NEMP2: variants seen among roughly 807,000 people sequenced by gnomAD.
NEMP2 encodes nuclear envelope integral membrane protein 2, also known as UPF0571 transmembrane protein.
Under a neutral mutation model 54.2 loss-of-function variants are expected in NEMP2, and 53 were observed. The observed-to-expected ratio is 0.98, with a 90% CI of 0.78 to 1.23. The LOEUF is 1.23. Ranked by LOEUF, NEMP2 falls within the 50% of genes most tolerant of loss-of-function variation. The pLI, the probability that NEMP2 is intolerant of heterozygous loss-of-function variation, is 0.00. For missense variants in NEMP2, 455 were observed against 511.3 expected (o/e 0.89, Z 1.06); for synonymous variants, 197 against 190.3 (o/e 1.04, Z -0.29).
chr2:190,604,310 C>T, the NEMP2 span, among the ~76,000 whole-genome samples: 1 of 152,190 alleles, frequency 6.6e-6, no homozygotes, highest in Non-Finnish European at 1.5e-5. This position sits in a 1 kb window ranked among gnomAD's most constrained non-coding sequence, Gnocchi z 4.5. Context: ...TTTCCTACCC[C>T]AACACCTACT....
At chr2:190,502,568 A>G (rs1022107737), downstream of NEMP2, among the ~76,000 whole-genome samples, 3 of 152,236 alleles carry the variant, frequency 2.0e-5, no homozygotes, top group African/African-American at 7.2e-5. The surrounding 1 kb of genome is among the most constrained non-coding windows in gnomAD (Gnocchi z 4.4). Flanking sequence ...AACCTCATGA[A>G]AAGTGTTAAG....
chr2:190,495,414 C>T, the NEMP2 span, among the ~76,000 whole-genome samples: 1 of 152,084 alleles, frequency 6.6e-6, no homozygotes, highest in Non-Finnish European at 1.5e-5. The surrounding 1 kb of genome is among the most constrained non-coding windows in gnomAD (Gnocchi z 4.7). Flanking sequence ...GTGAAAATGA[C>T]CATACTGCTA....
the NEMP2 span, among the ~76,000 whole-genome samples, chr2:190,542,080 G>C: frequency 7.3e-4 from 111 of 152,176 alleles, no homozygotes; most frequent in African/African-American, 2.6e-3. The surrounding 1 kb of genome is among the most constrained non-coding windows in gnomAD (Gnocchi z 4.6). Flanking sequence ...AATCTGTTTG[G>C]TGTTCTCTGA....
At chr2:190,561,149 C>T in the NEMP2 span, among the ~76,000 whole-genome samples, 14 of 152,194 alleles carry the variant, frequency 9.2e-5, no homozygotes, top group South Asian at 1.0e-3. The surrounding 1 kb of genome is among the most constrained non-coding windows in gnomAD (Gnocchi z 5.4). Context: ...CCATCAGGAC[C>T]GCTCATTCTC....
chr2:190,601,328 T>C, the NEMP2 span, among the ~76,000 whole-genome samples: 1 of 152,188 alleles, frequency 6.6e-6, no homozygotes, highest in Non-Finnish European at 1.5e-5. The surrounding 1 kb of genome is among the most constrained non-coding windows in gnomAD (Gnocchi z 5.8). Flanking sequence ...TGCACCCTGA[T>C]CTCAGATTTC....
chr2:190,500,235 TCA>T, downstream of NEMP2: 1 of 1,613,612 alleles, frequency 6.2e-7, no homozygotes, highest in Non-Finnish European at 8.5e-7. The surrounding 1 kb of genome is among the most constrained non-coding windows in gnomAD (Gnocchi z 5.3). Context: ...CCTGCTCATC[TCA>T]CACCCTGCAT....
At chr2:190,534,987 C>T, upstream of NEMP2, 1 of 220,764 alleles carries the variant, frequency 4.5e-6, no homozygotes, top group Non-Finnish European at 8.9e-6. Context: ...CCCCTGGGGA[C>T]CGCCCGGCCG....
In NEMP2 at chr2:190,527,079, C is replaced by T. The variant is rs1247819042; in HGVS notation, c.98-1701G>A. Among the ~76,000 whole-genome samples the T allele has an allele frequency of 1.3e-5, 2 of 152,160 alleles. No homozygotes were observed. Among genetic ancestry groups the T allele is most frequent in the Non-Finnish European group, 2.9e-5 (2 of 68,016 alleles). Reference sequence around the variant, plus strand: ...GATTCAAGATAGAGTGTCACCTCCACATCTGTTCTTTAGGAAACAGGAACA... The same window carrying T: ...GATTCAAGATAGAGTGTCACCTCCATATCTGTTCTTTAGGAAACAGGAACA... On this transcript the variant is annotated intron_variant, in intron 1 of 8. Coordinates refer to ENST00000409150, the MANE Select transcript of NEMP2 (RefSeq NM_001142645.2). This position sits in a 1 kb window ranked among gnomAD's most constrained non-coding sequence, Gnocchi z 4.0.
chr2:190,554,260 G>GC, the NEMP2 span, among the ~76,000 whole-genome samples: 1 of 151,572 alleles, frequency 6.6e-6, no homozygotes. The surrounding 1 kb of genome is among the most constrained non-coding windows in gnomAD (Gnocchi z 5.7). Context: ...AGCCGCAGGA[G>GC]TTTTTTTTTC....
At chr2:190,620,201 C>G in the NEMP2 span, 3 of 152,150 alleles carry the variant, frequency 2.0e-5, no homozygotes. The surrounding 1 kb of genome is among the most constrained non-coding windows in gnomAD (Gnocchi z 4.9). Context: ...TGACTTCCTG[C>G]TGTCTATTTT....
the NEMP2 span, among the ~76,000 whole-genome samples, chr2:190,550,780 A>C: frequency 6.6e-6 from 1 of 152,178 alleles, no homozygotes; most frequent in Non-Finnish European, 1.5e-5. This position sits in a 1 kb window ranked among gnomAD's most constrained non-coding sequence, Gnocchi z 4.7. Context: ...TCATGTTGAT[A>C]TATCTTTTAA....
rs1468106062 is a variant in NEMP2, at chr2:190,509,970, G to A, written c.1130+391C>T. Among the ~76,000 whole-genome samples the A allele has an allele frequency of 2.0e-5, 3 of 152,248 alleles. No individual in the cohort carries two copies. Among genetic ancestry groups the A allele is most frequent in the Non-Finnish European group, 2.9e-5 (2 of 68,038 alleles). ...GCAGGAGAATTGCTTGAACCTGGCA[G>A]GCGGAGGTTGCAATGAGCTGAGATT... On this transcript the variant is annotated intron_variant, in intron 8 of 8. Coordinates refer to ENST00000409150, the MANE Select transcript of NEMP2 (RefSeq NM_001142645.2). The surrounding 1 kb of genome is among the most constrained non-coding windows in gnomAD (Gnocchi z 6.1).
chr2:190,431,804 A>G, the NEMP2 span, among the ~76,000 whole-genome samples: 1 of 152,152 alleles, frequency 6.6e-6, no homozygotes, highest in Non-Finnish European at 1.5e-5. The surrounding 1 kb of genome is among the most constrained non-coding windows in gnomAD (Gnocchi z 4.4). Flanking sequence ...TTTTTCTTTC[A>G]TATCATCTCA....
rs1574290120 is a variant in NEMP2, at chr2:190,510,955, A to G, written c.954-418T>C. On this transcript the variant is annotated intron_variant, in intron 7 of 8. Coordinates refer to ENST00000409150, the MANE Select transcript of NEMP2 (RefSeq NM_001142645.2). This position sits in a 1 kb window ranked among gnomAD's most constrained non-coding sequence, Gnocchi z 5.7. Reference sequence around the variant, plus strand: ...GTAATAATACTTCTTAACTTCCTCTATATCATATCTATACTTTTTTATTGC... The same window carrying G: ...GTAATAATACTTCTTAACTTCCTCTGTATCATATCTATACTTTTTTATTGC... 6.6e-6 allele frequency among the ~76,000 whole-genome samples: 1 copy of G among 152,034 alleles called. No homozygotes were observed. Among genetic ancestry groups the G allele is most frequent in the Non-Finnish European group, 1.5e-5 (1 of 68,014 alleles).
chr2:190,476,532 A>T, the NEMP2 span, among the ~76,000 whole-genome samples: 3 of 152,250 alleles, frequency 2.0e-5, no homozygotes, highest in Admixed American at 2.0e-4. Context: ...TAGAATGGCA[A>T]TCATTAAAAA....
At chr2:190,497,873 T>A in the NEMP2 span, 2 of 868,082 alleles carry the variant, frequency 2.3e-6, no homozygotes, top group Non-Finnish European at 3.5e-6. This position sits in a 1 kb window ranked among gnomAD's most constrained non-coding sequence, Gnocchi z 5.2. Context: ...CTGTGAGCAC[T>A]GAGTTAAAGA....
rs1690980070 is a variant in NEMP2 at position 190,527,460 on chromosome 2, A to G, written c.98-2082T>C. On this transcript the variant is annotated intron_variant, in intron 1 of 8. Transcript: ENST00000409150. The surrounding 1 kb of genome is among the most constrained non-coding windows in gnomAD (Gnocchi z 4.0). ...TTTCCGGTGGCCACACGAAGCAGCAAAATTACACAAGGACCCAACGTATTC... is the reference window on the plus strand; with the variant it reads ...TTTCCGGTGGCCACACGAAGCAGCAGAATTACACAAGGACCCAACGTATTC... Among the ~76,000 whole-genome samples, 1 of 152,338 alleles carries G rather than the reference A, an allele frequency of 6.6e-6. No homozygotes were observed. The highest frequency in any genetic ancestry group is 1.9e-4 in the East Asian group (1 of 5,188).
At position 190,509,299 on chromosome 2, in the gene NEMP2, C is replaced by A. The variant is rs1205637673; in HGVS notation, c.1144G>T (p.Val382Phe). 6.4e-7 allele frequency: 1 copy of A among 1,551,678 alleles called. No individual in the cohort carries two copies. The highest frequency in any genetic ancestry group is 1.2e-5 in the South Asian group (1 of 84,054). The change falls in exon 9 of 9, where the codon GTT (valine) becomes TTT (phenylalanine). Residue 382 changes from valine (V) to phenylalanine (F), a missense_variant. Physicochemically the swap from Val to Phe is conservative, Grantham distance 50. Transcript: ENST00000409150. This position sits in a 1 kb window ranked among gnomAD's most constrained non-coding sequence, Gnocchi z 6.1. ...GGTGACAAGTGGCTTCCTCCAAGAA[C>A]AAAGTCTGCAAATCTAACAAGTTTT... ...LHTPSKFADFVLGGSHLSPEE... is the reference protein window; with the variant it reads ...LHTPSKFADFFLGGSHLSPEE...
chr2:190,572,833 G>GTGTATATATATA, the NEMP2 span, among the ~76,000 whole-genome samples: 3 of 47,862 alleles, frequency 6.3e-5, no homozygotes, highest in East Asian at 1.8e-3. Flanking sequence ...CTTTTCATGA[G>GTGTATATATATA]TATATATATA....
Sources: gnomAD v4.1 joint callset for allele counts (sites outside exome capture counted in the v4.1 genomes callset) on GRCh38, gnomAD v4.1.1 for gene constraint, Gnocchi (gnomAD v3.1) non-coding constraint, MANE v1.5 for transcripts, NCBI Gene and HGNC (gene_info 2026-07-23, HGNC 2026-07-21) for gene names.